Variants in CCN6 observed in about 807,000 individuals in gnomAD.
CCN6 encodes CCN family member 6.
A neutral mutation model predicts 37.4 loss-of-function variants in CCN6; 31 were observed. The observed-to-expected ratio is 0.83, with a 90% confidence interval of 0.62 to 1.12. The LOEUF (loss-of-function observed/expected upper bound fraction) is 1.12, where lower values mean the gene tolerates loss of function less well. Ranked by LOEUF, CCN6 falls within the 50% of genes most tolerant of loss-of-function variation. CCN6 has a pLI of 0.00. For missense variants in CCN6, 369 were observed against 413.8 expected, an observed-to-expected ratio of 0.89 and a Z score of 0.94; for synonymous variants, 137 against 142.1, an observed-to-expected ratio of 0.96 and a Z score of 0.26.
Position 112,064,902 on chromosome 6 carries a change from G to A in CCN6, c.494G>A (p.Cys165Tyr). 6.2e-7 allele frequency: 1 copy of A among 1,614,126 alleles called. No individual in the cohort carries two copies. The highest frequency in any genetic ancestry group is 8.5e-7 in the Non-Finnish European group (1 of 1,179,974). Residue 165 changes from cysteine (C) to tyrosine (Y), a missense_variant, in exon 3 of 5, where the codon TGC becomes TAC. Physicochemically the swap from Cys to Tyr is radical, Grantham distance 194 (BLOSUM62 -2). Coordinates refer to ENST00000368666, the MANE Select transcript of CCN6 (RefSeq NM_198239.2). ...LFIPKLAGSH[C>Y]SGAKGGKKSD... Reference sequence around the variant, plus strand: ...ATACCAAAGCTGGCTGGCAGTCACTGCTCTGGAGCTAAAGGTGGAAAGAAG... The same window carrying A: ...ATACCAAAGCTGGCTGGCAGTCACTACTCTGGAGCTAAAGGTGGAAAGAAG...
intron 3 of CCN6, among the ~76,000 whole-genome samples, chr6:112,066,298 G>A (rs1161328851): frequency 6.6e-6 from 1 of 152,058 alleles, no homozygotes. Flanking sequence ...AGAACAGTTG[G>A]TTTTCTGCAT....
chr6:112,062,260 C>T (rs1776548989), intron 2 of CCN6, among the ~76,000 whole-genome samples: 1 of 152,154 alleles, frequency 6.6e-6, no homozygotes, highest in South Asian at 2.1e-4. Context: ...CATAAAACGC[C>T]TAGCACAATA....
At chr6:112,065,212 TA>T (rs1348615946) in intron 3 of CCN6, among the ~76,000 whole-genome samples, 3 of 152,308 alleles carry the variant, frequency 2.0e-5, no homozygotes, top group African/African-American at 4.8e-5. Context: ...GTAAAACATT[TA>T]AAAACATTTT....
upstream of CCN6, among the ~76,000 whole-genome samples, chr6:112,053,864 GT>G (rs142744751): frequency 0.28 from 40,711 of 145,654 alleles, 6,032 homozygotes; most frequent in Admixed American, 0.34. Flanking sequence ...GGTGCTGTTG[GT>G]GGGGGGGCCA....
chr6:112,065,776 AT>A lies in CCN6; in HGVS notation c.589+780del, dbSNP rs587685118. Among the ~76,000 whole-genome samples the A allele has an allele frequency of 2.1e-4, 32 of 152,346 alleles. No individual in the cohort carries two copies. The South Asian group carries it at 6.0e-3, about 29-fold the overall frequency. On this transcript the variant is annotated intron_variant, in intron 3 of 4. Coordinates refer to ENST00000368666, the MANE Select transcript of CCN6 (RefSeq NM_198239.2). ...CATTTCAAACAGCTTAAGTATACTT[AT>A]AAACCTTGTATTCTGGTCTGCTCTA...
chr6:112,057,907 G>T (rs1296945063), intron 1 of CCN6, among the ~76,000 whole-genome samples: 1 of 152,128 alleles, frequency 6.6e-6, no homozygotes, highest in Non-Finnish European at 1.5e-5. Flanking sequence ...CAGATGTAAT[G>T]AAATCCAAGG....
At chr6:112,055,217 T>C (rs1776311214) in intron 1 of CCN6, among the ~76,000 whole-genome samples, 1 of 152,180 alleles carries the variant, frequency 6.6e-6, no homozygotes, top group Non-Finnish European at 1.5e-5. Flanking sequence ...TTATACCATA[T>C]AGAGAGAGAT....
chr6:112,067,003 G>C (rs1554314132), intron 3 of CCN6: 1 of 1,366,294 alleles, frequency 7.3e-7, no homozygotes, highest in Admixed American at 1.9e-5. Flanking sequence ...TTCCTGCATT[G>C]AGGTCTTTAA....
rs781973615 is a variant in CCN6, at chr6:112,069,553, C to T, written c.998C>T (p.Thr333Ile). The T allele has an allele frequency of 5.6e-6, 9 of 1,613,724 alleles. No homozygotes were observed. The Admixed American group carries it at 1.2e-4, about 21-fold the overall frequency. ...GSFKWKMLWI[T>I]SCVCQRNCRE... ...TTTAAATGGAAGATGCTGTGGATTA[C>T]ATCTTGTGTGTGTCAGAGAAACTGC... The change falls in exon 5 of 5, where the codon ACA (threonine) becomes ATA (isoleucine). Residue 333 changes from threonine to isoleucine, a missense_variant. By Grantham distance (89) the Thr-to-Ile change is moderately conservative. Transcript: ENST00000368666.
At chr6:112,066,532 A>C (rs1297990816) in intron 3 of CCN6, among the ~76,000 whole-genome samples, 1 of 152,100 alleles carries the variant, frequency 6.6e-6, no homozygotes, top group African/African-American at 2.4e-5. Flanking sequence ...AAACAAGAAA[A>C]TCTCCTGAAG....
chr6:112,063,733 A>G (rs111295351), intron 2 of CCN6, among the ~76,000 whole-genome samples: 1 of 152,184 alleles, frequency 6.6e-6, no homozygotes, highest in Non-Finnish European at 1.5e-5. Context: ...TCCAAAATAC[A>G]CAAGTCTGAA....
chr6:112,061,122 T>G lies in CCN6; in HGVS notation c.180T>G (p.Arg60=). 2 of 1,614,200 alleles carry G rather than the reference T, an allele frequency of 1.2e-6. No individual in the cohort carries two copies. The highest frequency in any genetic ancestry group is 8.5e-7 in the Non-Finnish European group (1 of 1,180,026). ...GCAAATGCCCTCAGCAGAAGCCCCG[T>G]TGCCCTCCTGGAGTGAGCCTGGTGA... The part of the protein sequence containing the change: ...WPCKCPQQKP[R]CPPGVSLVRD... Residue 60 remains arginine (R), a synonymous_variant, in exon 2 of 5, where the codon CGT becomes CGG. Transcript: ENST00000368666.
intron 2 of CCN6, 72 bp from the exon 3 acceptor site, chr6:112,064,683 G>A: frequency 6.2e-7 from 1 of 1,607,876 alleles, no homozygotes; most frequent in Non-Finnish European, 8.5e-7. Context: ...TTTCTTCTTA[G>A]GTTTATAATT....
At chr6:112,054,523 C>G in intron 1 of CCN6, 118 bp downstream of exon 1, 1 of 952,898 alleles carries the variant, frequency 1.0e-6, no homozygotes, top group African/African-American at 1.6e-5. Flanking sequence ...GCTTGTGGAA[C>G]TACTTCATGA....
intron 3 of CCN6, among the ~76,000 whole-genome samples, 191 bp from the exon 4 acceptor site, chr6:112,068,014 T>A (rs2114468261): frequency 6.6e-6 from 1 of 152,208 alleles, no homozygotes; most frequent in African/African-American, 2.4e-5. Context: ...CTGTAATACT[T>A]GATTGAAAGT....
At position 112,054,171 on chromosome 6, in the gene CCN6, G is replaced by T; in HGVS notation, c.-187G>T. The stretch of plus-strand genomic sequence containing the variant: ...GAAGAGTCCCATGAAAGTAAACAGG[G>T]TATTAAAACGGATCCTTAAAAATGA... On this transcript the variant is annotated 5_prime_UTR_variant, in exon 1 of 5. Coordinates refer to ENST00000368666, the MANE Select transcript of CCN6 (RefSeq NM_198239.2). 1 of 831,918 alleles carries T rather than the reference G, an allele frequency of 1.2e-6. No homozygotes were observed. Among genetic ancestry groups the T allele is most frequent in the Non-Finnish European group, 2.1e-6 (1 of 468,184 alleles). 51.5% of individuals were successfully genotyped at this position (831,918 alleles called of 1,614,324 possible). A position where few individuals can be genotyped will look rare whatever the true frequency, so the allele number is the denominator to read the frequency against.
At chr6:112,053,867 G>A (rs587654983), upstream of CCN6, among the ~76,000 whole-genome samples, 2 of 147,734 alleles carry the variant, frequency 1.4e-5, no homozygotes, top group Non-Finnish European at 3.0e-5. Flanking sequence ...GCTGTTGGTG[G>A]GGGGGCCAGG....
At chr6:112,056,574 T>G (rs1414552571) in intron 1 of CCN6, among the ~76,000 whole-genome samples, 2 of 152,156 alleles carry the variant, frequency 1.3e-5, no homozygotes, top group African/African-American at 4.8e-5. Context: ...TGGAGTGCAG[T>G]GGCGTGTCTT....
chr6:112,058,184 C>A (rs1776404755), intron 1 of CCN6, among the ~76,000 whole-genome samples: 1 of 152,228 alleles, frequency 6.6e-6, no homozygotes, highest in Admixed American at 6.5e-5. Context: ...AGTGTCCTAT[C>A]CTCCCCATCA....
Sources: gnomAD v4.1 joint callset for allele counts (sites outside exome capture counted in the v4.1 genomes callset) on GRCh38, gnomAD v4.1.1 for gene constraint, MANE v1.5 for transcripts, NCBI Gene and HGNC (gene_info 2026-07-23, HGNC 2026-07-21) for gene names.